ITGAE: variants seen among roughly 807,000 people sequenced by gnomAD.
The protein encoded by ITGAE is integrin alpha-E.
Under a neutral mutation model 136.5 loss-of-function variants are expected in ITGAE, and 99 were observed. The ratio of observed to expected loss-of-function variants is 0.73; its 90% confidence interval spans 0.62 to 0.86. ITGAE has a LOEUF of 0.86. Ranked by LOEUF, ITGAE falls within the 40% of genes least tolerant of loss-of-function variation. ITGAE has a pLI of 0.00. For synonymous variants in ITGAE, 613 were observed against 591.8 expected (o/e 1.04, Z -0.52); for missense variants, 1,447 against 1,515.3 (o/e 0.95, Z 0.75).
intron 3 of ITGAE, among the ~76,000 whole-genome samples, chr17:3,763,650 G>A (rs1255332287): frequency 2.0e-5 from 3 of 152,144 alleles, no homozygotes; most frequent in Non-Finnish European, 2.9e-5. Context: ...TATCATTTCT[G>A]TTGCTAGGAC....
intron 2 of ITGAE, among the ~76,000 whole-genome samples, chr17:3,768,866 A>G (rs1175356550): frequency 6.6e-6 from 1 of 152,180 alleles, no homozygotes; most frequent in African/African-American, 2.4e-5. Flanking sequence ...CTGGCACAGA[A>G]CAAGGGCTCA....
chr17:3,766,631 G>A (rs537143826), intron 2 of ITGAE, among the ~76,000 whole-genome samples: 3 of 151,804 alleles, frequency 2.0e-5, no homozygotes, highest in African/African-American at 4.8e-5. Flanking sequence ...GTGAAACCCC[G>A]TCTCTACTAA....
chr17:3,738,150 G>A (rs190067811), intron 20 of ITGAE, among the ~76,000 whole-genome samples: 8 of 152,204 alleles, frequency 5.3e-5, no homozygotes, highest in Admixed American at 2.6e-4. Flanking sequence ...CGCCAAGGAC[G>A]CTTGTTTGTT....
At chr17:3,745,131 C>A (rs540920503) in intron 18 of ITGAE, among the ~76,000 whole-genome samples, 1 of 152,194 alleles carries the variant, frequency 6.6e-6, no homozygotes, top group African/African-American at 2.4e-5. Context: ...AGGAGTAAAC[C>A]TTTCTAGATG....
At chr17:3,761,584 C>G in intron 4 of ITGAE, 64 bp from the exon 5 acceptor site, 1 of 1,432,304 alleles carries the variant, frequency 7.0e-7, no homozygotes, top group Non-Finnish European at 9.6e-7. Flanking sequence ...GCCACAGCCA[C>G]ATTCTCACCC....
At chr17:3,748,396 G>A (rs1044154208) in intron 16 of ITGAE, among the ~76,000 whole-genome samples, 1 of 152,186 alleles carries the variant, frequency 6.6e-6, no homozygotes, top group African/African-American at 2.4e-5. Context: ...GACCAGCCTG[G>A]CCAACTTGGT....
In ITGAE at chr17:3,745,812, G is replaced by T. The variant is rs551577998; in HGVS notation, c.2271C>A (p.Ser757Arg). 1 of 1,614,016 alleles carries T rather than the reference G, an allele frequency of 6.2e-7. No homozygotes were observed. The highest frequency in any genetic ancestry group is 8.5e-7 in the Non-Finnish European group (1 of 1,180,026). Residue 757 changes from serine (S) to arginine (R), a missense_variant, in exon 18 of 31, where the codon AGC becomes AGA. By Grantham distance (110) the Ser-to-Arg change is moderately radical (BLOSUM62 -1). Coordinates refer to ENST00000263087, the MANE Select transcript of ITGAE (RefSeq NM_002208.5). ...GGAGGTCCTCACAAAGCTGGGATCCGCTGCTCCACTCCCTCAGGCAGCCCA... is the reference window on the plus strand; with the variant it reads ...GGAGGTCCTCACAAAGCTGGGATCCTCTGCTCCACTCCCTCAGGCAGCCCA... ...SCLGCLREWSSGSQLCEDLLL... is the reference protein window; with the variant it reads ...SCLGCLREWSRGSQLCEDLLL...
chr17:3,722,092 T>A (rs992183295), intron 28 of ITGAE, among the ~76,000 whole-genome samples: 7 of 151,938 alleles, frequency 4.6e-5, no homozygotes, highest in Non-Finnish European at 8.8e-5. Flanking sequence ...GGCAGGAGAA[T>A]CGCTTGAACC....
intron 1 of ITGAE, among the ~76,000 whole-genome samples, chr17:3,787,574 C>A (rs1005221204): frequency 6.6e-6 from 1 of 152,080 alleles, no homozygotes; most frequent in Non-Finnish European, 1.5e-5. Flanking sequence ...GAGTGTCTTG[C>A]AGACGTCTTC....
At chr17:3,769,271 C>A (rs1353196678) in intron 2 of ITGAE, among the ~76,000 whole-genome samples, 2 of 152,226 alleles carry the variant, frequency 1.3e-5, no homozygotes, top group African/African-American at 2.4e-5. Flanking sequence ...CCTCAGGAAG[C>A]CTTCCCAAAG....
At chr17:3,743,364 A>C (rs1485966451) in intron 19 of ITGAE, 125 bp downstream of exon 19, 2 of 1,095,600 alleles carry the variant, frequency 1.8e-6, no homozygotes, top group Non-Finnish European at 2.6e-6. Flanking sequence ...GAGTACGGTG[A>C]GGGGCCCAAA....
At chr17:3,722,351 G>A (rs2436085) in intron 28 of ITGAE, 19,491 of 133,868 alleles carry the variant, frequency 0.15, 4,232 homozygotes, top group African/African-American at 0.47. Context: ...CGTGGTCGCC[G>A]GCGCCTGTAA....
chr17:3,736,998 A>G (rs2051472166), intron 20 of ITGAE, among the ~76,000 whole-genome samples: 1 of 151,774 alleles, frequency 6.6e-6, no homozygotes, highest in Non-Finnish European at 1.5e-5. Flanking sequence ...TGAAATAAGG[A>G]AACAGTAGTG....
chr17:3,742,125 T>C (rs2051602544), intron 19 of ITGAE, among the ~76,000 whole-genome samples: 1 of 152,054 alleles, frequency 6.6e-6, no homozygotes, highest in South Asian at 2.1e-4. Context: ...TGAAGAAATA[T>C]CAGACAAATT....
chr17:3,790,156 T>A (rs994000152), intron 1 of ITGAE, among the ~76,000 whole-genome samples: 5 of 152,126 alleles, frequency 3.3e-5, no homozygotes, highest in African/African-American at 9.7e-5. Flanking sequence ...ACACCCACAC[T>A]GCAGGTCTTC....
At chr17:3,785,689 G>A (rs191938742) in intron 1 of ITGAE, among the ~76,000 whole-genome samples, 3 of 151,878 alleles carry the variant, frequency 2.0e-5, no homozygotes, top group African/African-American at 4.8e-5. Context: ...ATATGAACAC[G>A]TATCAATGAA....
chr17:3,788,222 A>T (rs2052845682), intron 1 of ITGAE, among the ~76,000 whole-genome samples: 1 of 145,458 alleles, frequency 6.9e-6, no homozygotes, highest in African/African-American at 2.6e-5. Context: ...TGATAAACAG[A>T]TGTTCTTAAG....
chr17:3,718,769 G>A (rs2050989023), intron 29 of ITGAE, among the ~76,000 whole-genome samples: 1 of 152,210 alleles, frequency 6.6e-6, no homozygotes, highest in Non-Finnish European at 1.5e-5. Context: ...GGGGGCATGG[G>A]AAGGGAGAAA....
chr17:3,726,921 G>T (rs2051227417), intron 26 of ITGAE, among the ~76,000 whole-genome samples: 1 of 151,670 alleles, frequency 6.6e-6, no homozygotes, highest in Non-Finnish European at 1.5e-5. Context: ...TAGAGATGGG[G>T]GTTTCACCAT....
Sources: allele counts gnomAD v4.1 joint callset (sites outside exome capture counted in the v4.1 genomes callset), GRCh38; gene constraint gnomAD v4.1.1; transcripts MANE v1.5; gene names NCBI Gene and HGNC (gene_info 2026-07-23, HGNC 2026-07-21).